Variants in KCNIP4 observed in about 807,000 individuals in gnomAD.
KCNIP4 encodes Kv channel-interacting protein 4.
In KCNIP4, 12 loss-of-function variants were observed where a neutral mutation model predicts 34.0. That is an observed-to-expected ratio of 0.35 (90% CI 0.23 to 0.57). The LOEUF is 0.57. Among genes scored for constraint, KCNIP4 ranks in the 20% least tolerant of loss-of-function variants. The probability of loss-of-function intolerance (pLI) is 0.83; values close to 1 mark genes in which losing one functional copy is unlikely to be tolerated. For missense variants in KCNIP4, 238 were observed against 311.7 expected, an observed-to-expected ratio of 0.76 and a Z score of 1.78; for synonymous variants, 124 against 102.2, an observed-to-expected ratio of 1.21 and a Z score of -1.29.
At chr4:21,741,210 G>A (rs1461400780) in intron 1 of KCNIP4, among the ~76,000 whole-genome samples, 1 of 152,106 alleles carries the variant, frequency 6.6e-6, no homozygotes, top group African/African-American at 2.4e-5. Context: ...CATTTACTGG[G>A]AAAAGAGCTA....
chr4:21,192,805 C>A lies in KCNIP4; in HGVS notation c.62-310096G>T, dbSNP rs530913648. Among the ~76,000 whole-genome samples, 304 of 151,882 alleles carry A rather than the reference C, an allele frequency of 2.0e-3. 1 individual carries two copies. Among genetic ancestry groups the A allele is most frequent in the Admixed American group, 3.0e-3 (46 of 15,246 alleles). ...CCTTGGCCACTCATGCCTGTAATCC[C>A]AGCACTTTGGGAGGCTGAGGCTGGA... On this transcript the variant is annotated intron_variant, in intron 1 of 8. Coordinates refer to ENST00000382152, the MANE Select transcript of KCNIP4 (RefSeq NM_025221.6).
chr4:21,116,363 A>G (rs1039609897), intron 1 of KCNIP4, among the ~76,000 whole-genome samples: 7 of 149,394 alleles, frequency 4.7e-5, no homozygotes, highest in Admixed American at 1.3e-4. Context: ...TCGTTCATTC[A>G]TTCATTCTTC....
chr4:21,550,914 C>T (rs761394513), intron 1 of KCNIP4, among the ~76,000 whole-genome samples: 31 of 152,124 alleles, frequency 2.0e-4, no homozygotes, highest in Admixed American at 5.2e-4. Flanking sequence ...CCTCTCTCCC[C>T]TTCCGTAGTC....
At chr4:21,620,821 T>G (rs1744950476) in intron 1 of KCNIP4, among the ~76,000 whole-genome samples, 1 of 152,152 alleles carries the variant, frequency 6.6e-6, no homozygotes, top group African/African-American at 2.4e-5. Context: ...GGTCATGTGC[T>G]CAATCATCCA....
At chr4:21,619,380 G>T (rs1744853001) in intron 1 of KCNIP4, among the ~76,000 whole-genome samples, 1 of 152,178 alleles carries the variant, frequency 6.6e-6, no homozygotes, top group Admixed American at 6.5e-5. Flanking sequence ...AAACATGGTG[G>T]TACCACTGAG....
chr4:20,869,172 A>T (rs1326001064), intron 2 of KCNIP4, among the ~76,000 whole-genome samples: 1 of 152,016 alleles, frequency 6.6e-6, no homozygotes, highest in East Asian at 1.9e-4. Flanking sequence ...TATTAGGGGG[A>T]TGATTTGCAG....
intron 1 of KCNIP4, among the ~76,000 whole-genome samples, chr4:21,054,061 A>G (rs1254645643): frequency 6.6e-6 from 1 of 152,214 alleles, no homozygotes; most frequent in Non-Finnish European, 1.5e-5. Context: ...GATACTGACA[A>G]AATGATTCTA....
At chr4:21,931,782 G>A (rs895171904) in intron 1 of KCNIP4, among the ~76,000 whole-genome samples, 3 of 152,042 alleles carry the variant, frequency 2.0e-5, no homozygotes, top group Non-Finnish European at 4.4e-5. Flanking sequence ...ATAATCCTTT[G>A]GGTATATTCC....
intron 1 of KCNIP4, among the ~76,000 whole-genome samples, chr4:20,985,962 T>C (rs1307571616): frequency 1.3e-5 from 2 of 152,196 alleles, no homozygotes; most frequent in African/African-American, 4.8e-5. Context: ...ACTCCGTCTC[T>C]GAATCTTGGT....
chr4:20,951,114 G>GTC (rs370902307), intron 1 of KCNIP4, among the ~76,000 whole-genome samples: 6 of 151,356 alleles, frequency 4.0e-5, no homozygotes, highest in Admixed American at 6.6e-5. Context: ...CTCTCTCTCT[G>GTC]TCTCTCTCTC....
At chr4:21,683,442 C>A (rs1029730190) in intron 1 of KCNIP4, among the ~76,000 whole-genome samples, 4 of 112,924 alleles carry the variant, frequency 3.5e-5, no homozygotes, top group Admixed American at 9.3e-5. Flanking sequence ...ATTGGTGAAG[C>A]CAGATTTTTT....
intron 1 of KCNIP4, among the ~76,000 whole-genome samples, chr4:21,025,577 G>A (rs1341995153): frequency 1.7e-4 from 9 of 52,250 alleles, no homozygotes; most frequent in African/African-American, 4.7e-4. Flanking sequence ...TTTTTGAGAC[G>A]GAGTCTCACT....
intron 1 of KCNIP4, among the ~76,000 whole-genome samples, chr4:21,062,274 A>T (rs910715636): frequency 1.3e-5 from 2 of 152,184 alleles, no homozygotes; most frequent in Non-Finnish European, 2.9e-5. Context: ...GTGGCTCCTT[A>T]TTATGGAATC....
chr4:21,506,938 T>C (rs1024802211), intron 1 of KCNIP4, among the ~76,000 whole-genome samples: 2 of 151,654 alleles, frequency 1.3e-5, no homozygotes, highest in South Asian at 4.2e-4. Flanking sequence ...ACTACAGGTG[T>C]GCACCACCAC....
intron 2 of KCNIP4, among the ~76,000 whole-genome samples, chr4:20,876,493 G>A (rs1052495176): frequency 6.6e-6 from 1 of 152,066 alleles, no homozygotes; most frequent in African/African-American, 2.4e-5. Flanking sequence ...CCTTAATCCT[G>A]TAAATAGCTA....
chr4:20,826,300 C>T (rs1717749648), intron 3 of KCNIP4, among the ~76,000 whole-genome samples: 1 of 152,140 alleles, frequency 6.6e-6, no homozygotes, highest in African/African-American at 2.4e-5. Flanking sequence ...AGACTCCGGC[C>T]ATTGTGGCTC....
chr4:21,778,680 A>G (rs1243909221), intron 1 of KCNIP4, among the ~76,000 whole-genome samples: 1 of 152,126 alleles, frequency 6.6e-6, no homozygotes, highest in African/African-American at 2.4e-5. Context: ...ATATAAATCT[A>G]GAAGTATCCT....
intron 1 of KCNIP4, among the ~76,000 whole-genome samples, chr4:21,340,590 G>T (rs1247171799): frequency 6.6e-6 from 1 of 151,794 alleles, no homozygotes; most frequent in African/African-American, 2.4e-5. Flanking sequence ...ATCTTCTAAG[G>T]GCATCTAAAG....
chr4:21,235,246 T>C (rs1458808883), intron 1 of KCNIP4, among the ~76,000 whole-genome samples: 2 of 152,154 alleles, frequency 1.3e-5, no homozygotes, highest in Non-Finnish European at 1.5e-5. Context: ...GCATGCTCTT[T>C]GCACTTAGGT....
Sources: allele counts gnomAD v4.1 joint callset (sites outside exome capture counted in the v4.1 genomes callset), GRCh38; gene constraint gnomAD v4.1.1; transcripts MANE v1.5; gene names NCBI Gene and HGNC (gene_info 2026-07-23, HGNC 2026-07-21).